The following DPYD variants were observed in gnomAD, a reference collection of about 807,000 sequenced individuals.
DPYD encodes the protein dihydropyrimidine dehydrogenase [NADP(+)].
A neutral mutation model predicts 116.2 loss-of-function variants in DPYD; 109 were observed. That is an observed-to-expected ratio of 0.94 (90% CI 0.80 to 1.10). The LOEUF (loss-of-function observed/expected upper bound fraction) is 1.10, where lower values mean the gene tolerates loss of function less well. Ranked by LOEUF, DPYD falls within the 50% of genes least tolerant of loss-of-function variation. DPYD has a pLI of 0.00. For synonymous variants in DPYD, 440 were observed against 432.0 expected, an observed-to-expected ratio of 1.02 and a Z score of -0.23; for missense variants, 1,302 against 1,254.5, an observed-to-expected ratio of 1.04 and a Z score of -0.57.
At chr1:97,306,923 C>T (rs549725313) in intron 16 of DPYD, among the ~76,000 whole-genome samples, 2 of 152,004 alleles carry the variant, frequency 1.3e-5, no homozygotes, top group African/African-American at 4.8e-5. Flanking sequence ...TTTCAGCACT[C>T]ACAAACTTGA....
At chr1:97,233,475 G>A (rs995043178) in intron 19 of DPYD, among the ~76,000 whole-genome samples, 4 of 152,110 alleles carry the variant, frequency 2.6e-5, no homozygotes, top group Admixed American at 6.6e-5. Flanking sequence ...AGACTGCTTG[G>A]TGAGGGTGGA....
intron 13 of DPYD, among the ~76,000 whole-genome samples, chr1:97,502,104 G>A (rs1679618374): frequency 6.6e-6 from 1 of 151,970 alleles, no homozygotes; most frequent in South Asian, 2.1e-4. Flanking sequence ...TATTACAGAA[G>A]AGGATAAATT....
At chr1:97,541,930 C>T (rs554913283) in intron 12 of DPYD, among the ~76,000 whole-genome samples, 7 of 152,008 alleles carry the variant, frequency 4.6e-5, no homozygotes, top group Non-Finnish European at 1.0e-4. Context: ...ACATTATAAA[C>T]AATTAAGGTG....
In DPYD at chr1:97,647,726, T is replaced by C. The variant is rs376039916; in HGVS notation, c.850+31369A>G. On this transcript the variant is annotated intron_variant, in intron 8 of 22. Transcript: ENST00000370192. Reference sequence around the variant, plus strand: ...TATCTTTGTATAATTGTATAACTTCTGAGAAAACAGATATATAAAATTACT... The same window carrying C: ...TATCTTTGTATAATTGTATAACTTCCGAGAAAACAGATATATAAAATTACT... Among the ~76,000 whole-genome samples, 7 of 152,170 alleles carry C rather than the reference T, an allele frequency of 4.6e-5. No individual in the cohort carries two copies. The South Asian group carries it at 1.5e-3, about 32-fold the overall frequency.
intron 3 of DPYD, among the ~76,000 whole-genome samples, chr1:97,748,443 C>T (rs1020193359): frequency 6.6e-6 from 1 of 152,006 alleles, no homozygotes; most frequent in African/African-American, 2.4e-5. Flanking sequence ...CCCATCTCTA[C>T]TAAAAATTCA....
rs115747254 is a variant in DPYD, at chr1:97,838,003, T to C, written c.151-9807A>G. Among the ~76,000 whole-genome samples, 1,241 of 152,262 alleles carry C rather than the reference T, an allele frequency of 8.2e-3. 21 individuals carry two copies. The highest frequency in any genetic ancestry group is 0.028 in the African/African-American group (1,166 of 41,566). ...ATTTCTTATTAAGTATATAAAATTT[T>C]GACCCTCATTTTAGAAGATACAAAA... On this transcript the variant is annotated intron_variant, in intron 2 of 22. Transcript: ENST00000370192.
chr1:97,828,420 T>A (rs574011627), intron 2 of DPYD, among the ~76,000 whole-genome samples: 2 of 152,314 alleles, frequency 1.3e-5, no homozygotes, highest in South Asian at 4.1e-4. Context: ...TTATCAATTT[T>A]TCAAAGTGGA....
intron 6 of DPYD, among the ~76,000 whole-genome samples, chr1:97,693,401 A>C (rs999511325): frequency 6.6e-6 from 1 of 151,992 alleles, no homozygotes; most frequent in Non-Finnish European, 1.5e-5. Context: ...GGAATACAAG[A>C]TGATGTTTAA....
intron 20 of DPYD, among the ~76,000 whole-genome samples, chr1:97,107,645 G>T (rs1651268605): frequency 6.6e-6 from 1 of 152,014 alleles, no homozygotes; most frequent in Non-Finnish European, 1.5e-5. Context: ...AGAAGATAAA[G>T]AATATCCATG....
At chr1:97,457,962 C>G (rs1484875844) in intron 13 of DPYD, among the ~76,000 whole-genome samples, 1 of 152,126 alleles carries the variant, frequency 6.6e-6, no homozygotes, top group Admixed American at 6.5e-5. Context: ...GATTAATCAA[C>G]AGACAGACTG....
chr1:97,446,978 A>C (rs944113817), intron 14 of DPYD, among the ~76,000 whole-genome samples: 10 of 152,090 alleles, frequency 6.6e-5, no homozygotes, highest in Admixed American at 2.0e-4. Context: ...GCCAAGCAGA[A>C]GTCTAGTGTG....
Position 97,089,674 on chromosome 1 carries a change from A to T in DPYD, c.2767-7204T>A, listed in dbSNP as rs1570436130. ...CTTATGGAATTGGTAGCTTCATAAT[A>T]TGGGCCATACGCATGGTAAATGCTA... is the stretch of plus-strand genomic sequence containing the variant. On this transcript the variant is annotated intron_variant, in intron 21 of 22. Transcript: ENST00000370192. Among the ~76,000 whole-genome samples, 4 of 152,120 alleles carry T rather than the reference A, an allele frequency of 2.6e-5. No individual in the cohort carries two copies. In the South Asian group the frequency reaches 8.3e-4, roughly 32 times the overall value.
At chr1:97,585,046 T>C (rs1422848851) in intron 10 of DPYD, among the ~76,000 whole-genome samples, 8 of 151,850 alleles carry the variant, frequency 5.3e-5, no homozygotes, top group African/African-American at 2.4e-5. Flanking sequence ...CGTAAAATTA[T>C]ATATTTTGAA....
chr1:97,889,550 G>A (rs369180388), intron 1 of DPYD, among the ~76,000 whole-genome samples: 1 of 151,884 alleles, frequency 6.6e-6, no homozygotes. Context: ...CATCATAAAG[G>A]CTCAATCTAC....
intron 14 of DPYD, among the ~76,000 whole-genome samples, chr1:97,433,050 T>C (rs974733973): frequency 2.6e-5 from 4 of 152,168 alleles, no homozygotes; most frequent in Admixed American, 1.3e-4. Context: ...CCATGGTTTT[T>C]TGTGCTTCAG....
intron 20 of DPYD, among the ~76,000 whole-genome samples, chr1:97,184,393 A>G (rs1657856040): frequency 6.6e-6 from 1 of 152,134 alleles, no homozygotes; most frequent in African/African-American, 2.4e-5. Flanking sequence ...ACAGTGTACA[A>G]GCATTCTGTT....
chr1:97,514,278 A>C, intron 13 of DPYD: 1 of 967,506 alleles, frequency 1.0e-6, no homozygotes, highest in Non-Finnish European at 1.2e-6. Flanking sequence ...GTAAAGACTG[A>C]TGTCTCTGAT....
At chr1:97,195,657 TATATATATATATATATATATATATATATA>T in intron 19 of DPYD, among the ~76,000 whole-genome samples, 1 of 23,538 alleles carries the variant, frequency 4.2e-5, no homozygotes. Context: ...TATATATATA[TATATATATATATATATATATATATATATA>T]TATGCCTAGG....
At chr1:97,235,768 A>G (rs1214342806) in intron 18 of DPYD, among the ~76,000 whole-genome samples, 1 of 152,220 alleles carries the variant, frequency 6.6e-6, no homozygotes, top group Non-Finnish European at 1.5e-5. Flanking sequence ...CTGTAAAAAA[A>G]GGCAAGGTGC....
Sources: allele counts gnomAD v4.1 joint callset (sites outside exome capture counted in the v4.1 genomes callset), GRCh38; gene constraint gnomAD v4.1.1; transcripts MANE v1.5; gene names NCBI Gene and HGNC (gene_info 2026-07-23, HGNC 2026-07-21).